The following PTBP1 variants were observed in gnomAD, a reference collection of about 807,000 sequenced individuals.
PTBP1 encodes polypyrimidine tract binding protein 1.
Under a neutral mutation model 59.8 loss-of-function variants are expected in PTBP1, and 8 were observed. The observed-to-expected ratio is 0.13, with a 90% CI of 0.08 to 0.24. The LOEUF (loss-of-function observed/expected upper bound fraction) is 0.24. PTBP1 is among the 10% of genes least tolerant of loss of function. The probability of loss-of-function intolerance (pLI) is 1.00; values close to 1 mark genes in which losing one functional copy is unlikely to be tolerated. For missense variants in PTBP1, 686 were observed against 767.0 expected, an observed-to-expected ratio of 0.89 and a Z score of 1.25; for synonymous variants, 490 against 320.7, an observed-to-expected ratio of 1.53 and a Z score of -5.64.
intron 2 of PTBP1, among the ~76,000 whole-genome samples, chr19:801,113 G>T (rs979755417): frequency 1.3e-5 from 2 of 152,084 alleles, no homozygotes; most frequent in African/African-American, 4.8e-5. Flanking sequence ...GTTCAGTGTG[G>T]GGTTAAAGAC....
At chr19:805,603 C>T (rs1308848240) in intron 9 of PTBP1, 34 bp downstream of exon 9, 1 of 1,554,872 alleles carries the variant, frequency 6.4e-7, no homozygotes, top group South Asian at 1.1e-5. Flanking sequence ...TCCCCAGCGA[C>T]TGCATGCCCA....
chr19:810,619 C>A lies in PTBP1; in HGVS notation c.1540C>A (p.Gln514Lys), dbSNP rs746136836. 6.2e-7 allele frequency: 1 copy of A among 1,613,760 alleles called. No homozygotes were observed. Among genetic ancestry groups the A allele is most frequent in the South Asian group, 1.1e-5 (1 of 91,054 alleles). ...CGTCGTCAAAGGATTCAAGTTCTTC[C>A]AGTGAGTATGAGGCGGGCTGTCCCT... ...GGVVKGFKFF[Q>K]KDRKMALIQM... is the part of the protein sequence containing the mutation. The change falls in exon 14 of 15, where the codon CAG becomes AAG. Residue 514 changes from glutamine (Q) to lysine (K), a missense_variant and splice_region_variant. Transcript: ENST00000356948.
Position 812,069 on chromosome 19 carries a change from T to G in PTBP1, c.*1243T>G, listed in dbSNP as rs924109350. 1.3e-5 allele frequency: 2 copies of G among 152,000 alleles called. No homozygotes were observed. The highest frequency in any genetic ancestry group is 6.6e-5 in the Admixed American group (1 of 15,228). The allele number at this position is 152,000 out of a possible 1,614,324, so 9.4% of individuals were successfully genotyped here. A position where few individuals can be genotyped will look rare whatever the true frequency, so the allele number is the denominator to read the frequency against. On this transcript the variant is annotated 3_prime_UTR_variant, in exon 15 of 15. Transcript: ENST00000356948. ...TGAGACCCGAGGGGCGGCGGCGCGG[T>G]TTTTTATGGTGACACAAATGTATAT... is the stretch of plus-strand genomic sequence containing the variant.
In PTBP1 at chr19:808,124, T is replaced by C. The variant is rs2034662858; in HGVS notation, c.1153+222T>C. On this transcript the variant is annotated intron_variant, in intron 11 of 14. Transcript: ENST00000356948. This position sits in a 1 kb window ranked among gnomAD's most constrained non-coding sequence, Gnocchi z 4.7. ...TTCAGAGTTAGACCTGTCGGTGGCA[T>C]ATGCCACCGTGGCCACCCGCTGGCA... The C allele has an allele frequency of 3.2e-6, 2 of 630,502 alleles. No homozygotes were observed. Among genetic ancestry groups the C allele is most frequent in the South Asian group, 1.9e-5 (1 of 51,832 alleles). 39.1% of individuals were successfully genotyped at this position (630,502 alleles called of 1,614,324 possible).
At position 797,520 on chromosome 19, in the gene PTBP1, GC is replaced by G; in HGVS notation, c.8+19del. The G allele has an allele frequency of 2.0e-6, 3 of 1,507,070 alleles. No homozygotes were observed. Among genetic ancestry groups the G allele is most frequent in the South Asian group, 1.2e-5 (1 of 81,476 alleles). The allele number at this position is 1,507,070 out of a possible 1,614,324, so 93.4% of individuals were successfully genotyped here. On this transcript the variant is annotated intron_variant, in intron 1 of 14. Coordinates refer to ENST00000356948, the MANE Select transcript of PTBP1 (RefSeq NM_002819.5). The stretch of plus-strand genomic sequence containing the variant: ...GCCATGGACGGGTGAGTCGCACGTC[GC>G]CCCGCGCCCCACCGCCCTCCCCGCG...
intron 2 of PTBP1, among the ~76,000 whole-genome samples, chr19:799,845 G>A (rs1336655252): frequency 6.6e-6 from 1 of 152,192 alleles, no homozygotes; most frequent in Non-Finnish European, 1.5e-5. Flanking sequence ...GCTGTGGAGG[G>A]GACCTGGATA....
At chr19:810,375 C>G (rs1433782231) in intron 13 of PTBP1, among the ~76,000 whole-genome samples, 168 bp from the exon 14 acceptor site, 5 of 152,248 alleles carry the variant, frequency 3.3e-5, no homozygotes, top group Non-Finnish European at 5.9e-5. Context: ...TCGTTAGAAG[C>G]TGCTTCAGAC....
At chr19:809,125 C>A (rs1345428784) in intron 13 of PTBP1, among the ~76,000 whole-genome samples, 2 of 152,114 alleles carry the variant, frequency 1.3e-5, no homozygotes, top group African/African-American at 2.4e-5. Context: ...TGTGCCACCT[C>A]AGCTTCCCGA....
intron 3 of PTBP1, 90 bp downstream of exon 3, chr19:803,726 C>T: frequency 8.3e-7 from 1 of 1,210,496 alleles, no homozygotes; most frequent in East Asian, 2.3e-5. Flanking sequence ...TACTTTCCAT[C>T]TCCAACTGCA....
intron 9 of PTBP1, chr19:805,932 T>C (rs978334929): frequency 9.8e-6 from 3 of 304,604 alleles, no homozygotes; most frequent in Admixed American, 4.9e-5. Flanking sequence ...CTGAGCAGCA[T>C]GACCGGCGGC....
At chr19:806,034 G>A (rs1405360696) in intron 9 of PTBP1, 3 of 232,374 alleles carry the variant, frequency 1.3e-5, no homozygotes, top group East Asian at 1.1e-4. Flanking sequence ...AGCGCGTGCC[G>A]CCCGGCGGCC....
In PTBP1 at chr19:804,657, C is replaced by A. The variant is rs554765504; in HGVS notation, c.561C>A (p.Ile187=). The A allele has an allele frequency of 6.2e-7, 1 of 1,613,120 alleles. No individual in the cohort carries two copies. The highest frequency in any genetic ancestry group is 1.1e-5 in the South Asian group (1 of 91,062). ...MAGQSPVLRI[I]VENLFYPVTL... Reference sequence around the variant, plus strand: ...GGCAGAGCCCCGTGCTCAGGATCATCGTGGAGAACCTCTTCTACCCTGTGA... The same window carrying A: ...GGCAGAGCCCCGTGCTCAGGATCATAGTGGAGAACCTCTTCTACCCTGTGA... The change falls in exon 6 of 15, where the codon ATC becomes ATA. Residue 187 remains isoleucine (I), a synonymous_variant. Coordinates refer to ENST00000356948, the MANE Select transcript of PTBP1 (RefSeq NM_002819.5).
chr19:806,719 G>T, intron 10 of PTBP1, 163 bp downstream of exon 10: 1 of 584,192 alleles, frequency 1.7e-6, no homozygotes, highest in South Asian at 3.4e-5. Context: ...TTCCAAGATG[G>T]CTTGAGTTTT....
intron 9 of PTBP1, chr19:806,141 C>T (rs977466748): frequency 1.8e-5 from 7 of 393,980 alleles, no homozygotes; most frequent in Non-Finnish European, 3.2e-5. Flanking sequence ...GGAGCCGGAG[C>T]TTTTCTGTGC....
chr19:799,759 T>TC (rs2035718305), intron 2 of PTBP1, among the ~76,000 whole-genome samples: 2 of 152,302 alleles, frequency 1.3e-5, no homozygotes, highest in African/African-American at 4.8e-5. Context: ...GAGGCTGGAA[T>TC]CGTGCCGTTC....
Position 803,649 on chromosome 19 carries a change from C to T in PTBP1, c.115+13C>T. 6.2e-7 allele frequency: 1 copy of T among 1,612,724 alleles called. No individual in the cohort carries two copies. On this transcript the variant is annotated intron_variant, in intron 3 of 14. Transcript: ENST00000356948. ...TCGGCTTCTGCAGGTAAGGCCGGGA[C>T]TCGGCCCAGGGCAAGACCCGTGGGT...
intron 3 of PTBP1, 101 bp from the exon 4 acceptor site, chr19:803,935 G>C (rs1310871736): frequency 7.2e-7 from 1 of 1,386,898 alleles, no homozygotes; most frequent in Non-Finnish European, 1.0e-6. Flanking sequence ...GGGGCTCAGG[G>C]TTGGTCTCCG....
intron 2 of PTBP1, among the ~76,000 whole-genome samples, chr19:800,190 T>A (rs1225995572): frequency 6.6e-6 from 1 of 151,146 alleles, no homozygotes; most frequent in Non-Finnish European, 1.5e-5. Flanking sequence ...CCCCTTGGCC[T>A]CCCACAGTGC....
intron 10 of PTBP1, chr19:807,577 CT>C: frequency 2.4e-6 from 1 of 409,152 alleles, no homozygotes; most frequent in Non-Finnish European, 4.3e-6. Flanking sequence ...TATTTTTTTT[CT>C]TGCCCTGATC....
Sources: gnomAD v4.1 joint callset for allele counts (sites outside exome capture counted in the v4.1 genomes callset) on GRCh38, gnomAD v4.1.1 for gene constraint, Gnocchi (gnomAD v3.1) non-coding constraint, MANE v1.5 for transcripts, NCBI Gene and HGNC (gene_info 2026-07-23, HGNC 2026-07-21) for gene names.